The following RPUSD4 variants were observed in gnomAD, a reference collection of about 807,000 sequenced individuals.
The protein encoded by RPUSD4 is pseudouridylate synthase RPUSD4, mitochondrial.
In RPUSD4, 37 loss-of-function variants were observed where a neutral mutation model predicts 35.4. That is an observed-to-expected ratio of 1.04 (90% confidence interval 0.80 to 1.37). The LOEUF (loss-of-function observed/expected upper bound fraction) is 1.37, where lower values mean the gene tolerates loss of function less well. Ranked by LOEUF, RPUSD4 falls within the 40% of genes most tolerant of loss-of-function variation. RPUSD4 has a pLI of 0.00. For synonymous variants in RPUSD4, 210 were observed against 192.7 expected (o/e 1.09, Z -0.74); for missense variants, 507 against 484.9 (o/e 1.05, Z -0.43).
intron 5 of RPUSD4, 40 bp downstream of exon 5, chr11:126,205,428 A>G (rs1591487865): frequency 6.2e-7 from 1 of 1,610,556 alleles, no homozygotes; most frequent in South Asian, 1.1e-5. Flanking sequence ...CTGGTGGCAC[A>G]GGGTTTTGTG....
rs1173250951 is a variant in RPUSD4, at chr11:126,205,901, A to T, written c.558-120T>A. Reference sequence around the variant, plus strand: ...CTAACATGTGATTTCTTATGATTGAAGGATCGTGCAAGATTCTCTTGGTGT... The same window carrying T: ...CTAACATGTGATTTCTTATGATTGATGGATCGTGCAAGATTCTCTTGGTGT... On this transcript the variant is annotated intron_variant, in intron 3 of 6. Coordinates refer to ENST00000298317, the MANE Select transcript of RPUSD4 (RefSeq NM_032795.3). The T allele has an allele frequency of 1.6e-5, 11 of 705,310 alleles. No individual in the cohort carries two copies. In the Admixed American group the frequency reaches 3.2e-4, roughly 21 times the overall value. 43.7% of individuals were successfully genotyped at this position (705,310 alleles called of 1,614,324 possible).
At chr11:126,205,407 C>G in intron 5 of RPUSD4, 61 bp downstream of exon 5, 1 of 1,604,416 alleles carries the variant, frequency 6.2e-7, no homozygotes, top group East Asian at 2.2e-5. Context: ...GAACGAGGCC[C>G]TGGACAAAAC....
chr11:126,209,246 C>T (rs1949812279), intron 3 of RPUSD4: 1 of 351,416 alleles, frequency 2.8e-6, no homozygotes, highest in South Asian at 3.5e-5. Flanking sequence ...CCACCTCTGC[C>T]TCTCAAAGTG....
Position 126,205,713 on chromosome 11 carries a change from G to T in RPUSD4, c.626C>A (p.Ala209Glu). 6.2e-7 allele frequency: 1 copy of T among 1,613,378 alleles called. No individual in the cohort carries two copies. The highest frequency in any genetic ancestry group is 1.7e-4 in the Middle Eastern group (1 of 6,058). Residue 209 changes from alanine to glutamate, a missense_variant, in exon 4 of 7, where the codon GCG becomes GAG. Coordinates refer to ENST00000298317, the MANE Select transcript of RPUSD4 (RefSeq NM_032795.3). The stretch of plus-strand genomic sequence containing the variant: ...CTTGTGGTGTTGCTGCTGGCCTTGC[G>T]CCTCCTTCTCCACAATGGGGATGTC... ...VVDIPIVEKE[A>E]QGQQQHHKMT...
chr11:126,209,466 G>T (rs1001340543), intron 3 of RPUSD4, 55 bp downstream of exon 3: 8 of 1,448,806 alleles, frequency 5.5e-6, no homozygotes, highest in South Asian at 1.2e-5. Context: ...GAATAAATAG[G>T]TGAAAGAAAT....
In RPUSD4 at chr11:126,203,567, G is replaced by C; in HGVS notation, c.985C>G (p.Leu329Val). Residue 329 changes from leucine (L) to valine (V), a missense_variant, in exon 7 of 7, where the codon CTG (leucine) becomes GTG (valine). Leu to Val is a conservative substitution (Grantham distance 32). Coordinates refer to ENST00000298317, the MANE Select transcript of RPUSD4 (RefSeq NM_032795.3). ...PLHLHARQLI[L>V]PALGSGKEEL... is the part of the protein sequence containing the mutation. Reference sequence around the variant, plus strand: ...TCCTTCCCGGACCCCAGGGCAGGCAGGATCAGCTGCCGGGCGTGCAGGTGA... The same window carrying C: ...TCCTTCCCGGACCCCAGGGCAGGCACGATCAGCTGCCGGGCGTGCAGGTGA... 2 of 1,614,220 alleles carry C rather than the reference G, an allele frequency of 1.2e-6. No homozygotes were observed. Among genetic ancestry groups the C allele is most frequent in the Non-Finnish European group, 1.7e-6 (2 of 1,180,036 alleles).
intron 3 of RPUSD4, among the ~76,000 whole-genome samples, chr11:126,207,816 G>GT (rs1439540674): frequency 6.6e-6 from 1 of 151,418 alleles, no homozygotes; most frequent in African/African-American, 2.4e-5. Flanking sequence ...TCCAGCCTGG[G>GT]TGACACAGCA....
rs1481702806 is a variant in RPUSD4 at position 126,204,301 on chromosome 11, A to G, written c.824T>C (p.Leu275Ser). The G allele has an allele frequency of 6.2e-7, 1 of 1,613,186 alleles. No homozygotes were observed. The highest frequency in any genetic ancestry group is 1.3e-5 in the African/African-American group (1 of 74,914). ...TGIKHQLRVH[L>S]SFGLDCPILG... ...GATTGGACAATCCAATCCAAAAGAC[A>G]AGTGAACTCGAAGCTGATGTTTTAT... is the stretch of plus-strand genomic sequence containing the variant. Residue 275 changes from leucine to serine, a missense_variant, in exon 6 of 7, where the codon TTG (leucine) becomes TCG (serine). Transcript: ENST00000298317.
chr11:126,210,862 T>C (rs608367), intron 2 of RPUSD4, 28 bp downstream of exon 2: 1,233,518 of 1,596,688 alleles, frequency 0.77, 480,670 homozygotes, highest in East Asian at 1. Flanking sequence ...AGCTGCAGGT[T>C]CCTCCACCTT....
At chr11:126,210,856 GC>G in intron 2 of RPUSD4, 33 bp downstream of exon 2, 2 of 1,587,292 alleles carry the variant, frequency 1.3e-6, no homozygotes, top group Non-Finnish European at 8.6e-7. Flanking sequence ...GAAAGCAGCT[GC>G]AGGTTCCTCC....
chr11:126,211,411 C>A (rs1201412224), intron 1 of RPUSD4, 39 bp downstream of exon 1: 22 of 1,555,800 alleles, frequency 1.4e-5, no homozygotes, highest in East Asian at 6.8e-5. Flanking sequence ...AACCAATGAG[C>A]GCACTGCCTC....
chr11:126,203,553 C>T lies in RPUSD4; in HGVS notation c.999G>A (p.Gly333=). Residue 333 remains glycine, a synonymous_variant, in exon 7 of 7, where the codon GGG becomes GGA. Coordinates refer to ENST00000298317, the MANE Select transcript of RPUSD4 (RefSeq NM_032795.3). Reference sequence around the variant, plus strand: ...CCAAGTTGAGTTCCTCCTTCCCGGACCCCAGGGCAGGCAGGATCAGCTGCC... The same window carrying T: ...CCAAGTTGAGTTCCTCCTTCCCGGATCCCAGGGCAGGCAGGATCAGCTGCC... ...HARQLILPAL[G]SGKEELNLVC... is the part of the protein sequence containing the mutation. The T allele has an allele frequency of 6.2e-7, 1 of 1,614,184 alleles. No homozygotes were observed. The highest frequency in any genetic ancestry group is 1.1e-5 in the South Asian group (1 of 91,082).
At chr11:126,204,760 A>AACC (rs1037698343) in intron 5 of RPUSD4, among the ~76,000 whole-genome samples, 8 of 152,234 alleles carry the variant, frequency 5.3e-5, no homozygotes, top group African/African-American at 1.9e-4. Flanking sequence ...CTGTTTTTGC[A>AACC]ACCACCACCA....
At chr11:126,209,782 C>G (rs1244132742) in intron 2 of RPUSD4, 60 bp from the exon 3 acceptor site, 4 of 1,439,024 alleles carry the variant, frequency 2.8e-6, no homozygotes, top group East Asian at 2.3e-5. Flanking sequence ...AAAGAACTCT[C>G]CTTGGGAGAA....
rs765498066 is a variant in RPUSD4 at position 126,202,625 on chromosome 11, A to G, written c.*793T>C. 4 of 152,254 alleles carry G rather than the reference A, an allele frequency of 2.6e-5. No individual in the cohort carries two copies. The highest frequency in any genetic ancestry group is 9.6e-5 in the African/African-American group (4 of 41,466). The allele number at this position is 152,254 out of a possible 1,614,324, so 9.4% of individuals were successfully genotyped here. The stretch of plus-strand genomic sequence containing the variant: ...GCCTGTAGACCAAATTCAACCTCTA[A>G]GTATTATTTGCTTAGGTGCCTAAGC... On this transcript the variant is annotated 3_prime_UTR_variant, in exon 7 of 7. Coordinates refer to ENST00000298317, the MANE Select transcript of RPUSD4 (RefSeq NM_032795.3).
intron 3 of RPUSD4, chr11:126,206,066 G>T: frequency 3.6e-6 from 1 of 280,584 alleles, no homozygotes; most frequent in Non-Finnish European, 6.6e-6. Context: ...CTTTAAAAAT[G>T]GATATGTACA....
At position 126,205,771 on chromosome 11, in the gene RPUSD4, C is replaced by A; in HGVS notation, c.568G>T (p.Val190Leu). The A allele has an allele frequency of 6.2e-7, 1 of 1,605,776 alleles. No individual in the cohort carries two copies. The highest frequency in any genetic ancestry group is 8.5e-7 in the Non-Finnish European group (1 of 1,174,894). The part of the protein sequence containing the change: ...QVVKKYWAIT[V>L]HVPMPSAGVV... ...CCTGCTGAGGGCATGGGGACATGCA[C>A]AGTGATGGCCCTGGGGGTGACACAG... Residue 190 changes from valine (V) to leucine (L), a missense_variant, in exon 4 of 7, where the codon GTG becomes TTG. Val to Leu is a conservative substitution (Grantham distance 32). Transcript: ENST00000298317.
In RPUSD4 at chr11:126,203,448, G is replaced by A. The variant is rs377195741; in HGVS notation, c.1104C>T (p.Asn368=). 17 of 1,613,822 alleles carry A rather than the reference G, an allele frequency of 1.1e-5. No homozygotes were observed. In the African/African-American group the frequency reaches 1.6e-4, roughly 15 times the overall value. Residue 368 remains asparagine, a synonymous_variant, in exon 7 of 7, where the codon AAC becomes AAT. Coordinates refer to ENST00000298317, the MANE Select transcript of RPUSD4 (RefSeq NM_032795.3). ...LEMPNEDQNE[N]NEAKCLGAQ Reference sequence around the variant, plus strand: ...GTGCTCCCAGACACTTGGCTTCATTGTTCTCATTTTGATCCTCATTTGGCA... The same window carrying A: ...GTGCTCCCAGACACTTGGCTTCATTATTCTCATTTTGATCCTCATTTGGCA...
intron 6 of RPUSD4, 102 bp from the exon 7 acceptor site, chr11:126,203,759 C>A (rs1949739544): frequency 1.4e-6 from 2 of 1,425,934 alleles, no homozygotes; most frequent in Non-Finnish European, 1.9e-6. Flanking sequence ...CCAAAACTAA[C>A]CCCCTGGAAG....
Sources: gnomAD v4.1 joint callset for allele counts (sites outside exome capture counted in the v4.1 genomes callset) on GRCh38, gnomAD v4.1.1 for gene constraint, MANE v1.5 for transcripts, NCBI Gene and HGNC (gene_info 2026-07-23, HGNC 2026-07-21) for gene names.